TRERF1: variants seen among roughly 807,000 people sequenced by gnomAD.
The protein encoded by TRERF1 is transcriptional-regulating factor 1.
A neutral mutation model predicts 122.9 loss-of-function variants in TRERF1; 27 were observed. The ratio of observed to expected loss-of-function variants is 0.22; its 90% CI spans 0.16 to 0.30. The LOEUF (loss-of-function observed/expected upper bound fraction) is 0.30. Ranked by LOEUF, TRERF1 falls within the 10% of genes least tolerant of loss-of-function variation. The pLI is 1.00. For missense variants in TRERF1, 1,248 were observed against 1,560.3 expected (o/e 0.80, Z 3.37); for synonymous variants, 636 against 641.7 (o/e 0.99, Z 0.13).
At chr6:42,350,069 A>G (rs1420601673) in intron 3 of TRERF1, among the ~76,000 whole-genome samples, 1 of 152,110 alleles carries the variant, frequency 6.6e-6, no homozygotes, top group Non-Finnish European at 1.5e-5. Context: ...TACTAGATTG[A>G]TTTCTTTCAT....
intron 3 of TRERF1, among the ~76,000 whole-genome samples, chr6:42,340,685 TG>T (rs1047249932): frequency 3.3e-5 from 5 of 152,122 alleles, no homozygotes; most frequent in Non-Finnish European, 7.4e-5. Context: ...ACTGCAACTT[TG>T]AACTCCTAGG....
At chr6:42,229,074 C>T (rs1250063678) in intron 17 of TRERF1, among the ~76,000 whole-genome samples, 1 of 152,206 alleles carries the variant, frequency 6.6e-6, no homozygotes, top group East Asian at 1.9e-4. Flanking sequence ...AACAACCCAC[C>T]ATCTGCCTCT....
chr6:42,247,219 G>A (rs1287647938), intron 13 of TRERF1, among the ~76,000 whole-genome samples: 1 of 152,206 alleles, frequency 6.6e-6, no homozygotes, highest in African/African-American at 2.4e-5. Context: ...AGATGGAAGA[G>A]TATTCTGGTG....
intron 15 of TRERF1, among the ~76,000 whole-genome samples, chr6:42,238,358 G>C (rs7742263): frequency 0.033 from 5,002 of 152,274 alleles, 295 homozygotes; most frequent in African/African-American, 0.11. Context: ...ACTGTACCAT[G>C]ATTATGTATG....
At chr6:42,377,716 C>T (rs577010025) in intron 2 of TRERF1, among the ~76,000 whole-genome samples, 69 of 152,300 alleles carry the variant, frequency 4.5e-4, no homozygotes, top group Non-Finnish European at 8.7e-4. Context: ...ACGGATTTTC[C>T]AAACGCACAG....
intron 4 of TRERF1, among the ~76,000 whole-genome samples, chr6:42,286,317 TG>T (rs1463749479): frequency 6.9e-6 from 1 of 144,064 alleles, no homozygotes; most frequent in African/African-American, 2.6e-5. Context: ...AAAGAGCTTC[TG>T]CACAGCAAAA....
chr6:42,355,446 C>T (rs1379411357), intron 3 of TRERF1, among the ~76,000 whole-genome samples: 4 of 152,114 alleles, frequency 2.6e-5, no homozygotes, highest in African/African-American at 7.2e-5. Context: ...GAAATCTACT[C>T]GCTAGAATTT....
intron 4 of TRERF1, among the ~76,000 whole-genome samples, chr6:42,292,595 G>A (rs1582861284): frequency 6.6e-6 from 1 of 152,218 alleles, no homozygotes; most frequent in East Asian, 1.9e-4. Context: ...ACTGGTCAGT[G>A]CAATTCAAGG....
At chr6:42,239,766 T>C (rs1179512129) in intron 15 of TRERF1, among the ~76,000 whole-genome samples, 1 of 151,852 alleles carries the variant, frequency 6.6e-6, no homozygotes, top group Non-Finnish European at 1.5e-5. Context: ...ATTTTTCATC[T>C]CCACTCGGCA....
intron 4 of TRERF1, among the ~76,000 whole-genome samples, chr6:42,299,194 G>GT (rs939818111): frequency 2.6e-4 from 33 of 128,316 alleles, no homozygotes; most frequent in African/African-American, 8.6e-4. Context: ...CATAGAGTCT[G>GT]TTTTTTTCTA....
intron 2 of TRERF1, among the ~76,000 whole-genome samples, chr6:42,377,437 G>C (rs1416482291): frequency 1.3e-5 from 2 of 152,072 alleles, no homozygotes; most frequent in Non-Finnish European, 2.9e-5. Flanking sequence ...TTTTGTGACT[G>C]GCTTCTTTCA....
rs568373050 is a variant in TRERF1, at chr6:42,344,468, C to T, written c.-371+18529G>A. On this transcript the variant is annotated intron_variant, in intron 3 of 17. Transcript: ENST00000372922. ...CCAAAACCGTGTAGCTAGTAAGCAA[C>T]GAGGTCAGGAGGATAGGTAAAAAGC... Among the ~76,000 whole-genome samples the T allele has an allele frequency of 3.9e-5, 6 of 152,086 alleles. No homozygotes were observed. The South Asian group carries it at 6.2e-4, about 16-fold the overall frequency.
intron 14 of TRERF1, among the ~76,000 whole-genome samples, chr6:42,244,327 G>A (rs1774359605): frequency 6.6e-6 from 1 of 152,100 alleles, no homozygotes; most frequent in Admixed American, 6.5e-5. Flanking sequence ...TGGGATTACA[G>A]GCATGCACCA....
At chr6:42,277,160 C>G (rs10948030) in intron 4 of TRERF1, among the ~76,000 whole-genome samples, 1 of 151,904 alleles carries the variant, frequency 6.6e-6, no homozygotes, top group South Asian at 2.1e-4. Flanking sequence ...GAAGTGGGAG[C>G]TGCAGGAGTC....
At chr6:42,274,488 A>C (rs1780804754) in intron 4 of TRERF1, among the ~76,000 whole-genome samples, 1 of 152,214 alleles carries the variant, frequency 6.6e-6, no homozygotes, top group Non-Finnish European at 1.5e-5. Flanking sequence ...CAGTCTGGCC[A>C]ACATGGCAAA....
chr6:42,436,918 T>C (rs1485395318), intron 2 of TRERF1, among the ~76,000 whole-genome samples: 1 of 150,366 alleles, frequency 6.7e-6, no homozygotes, highest in African/African-American at 2.4e-5. Context: ...CTTTCAATTA[T>C]GTCTGCTCCA....
intron 15 of TRERF1, among the ~76,000 whole-genome samples, chr6:42,237,084 C>T (rs559887449): frequency 2.0e-5 from 3 of 152,302 alleles, no homozygotes; most frequent in East Asian, 3.9e-4. Flanking sequence ...TTCAATGTTT[C>T]TATTTATTCA....
At chr6:42,364,148 G>A (rs1347911586) in intron 2 of TRERF1, among the ~76,000 whole-genome samples, 1 of 152,048 alleles carries the variant, frequency 6.6e-6, no homozygotes, top group East Asian at 1.9e-4. Context: ...CTCCTACTCT[G>A]CCCTTCCTCC....
rs1381061201 is a variant in TRERF1, at chr6:42,263,604, G to A, written c.1636-36C>T. On this transcript the variant is annotated intron_variant, in intron 7 of 17. Coordinates refer to ENST00000372922, the Ensembl canonical transcript of TRERF1. This position sits in a 1 kb window ranked among gnomAD's most constrained non-coding sequence, Gnocchi z 5.6. The stretch of plus-strand genomic sequence containing the variant: ...AATAAAGGCTTTGATCCTGGGCTGA[G>A]AGCAGCTCTCACAAGGGGGATGCAC... 6.8e-7 allele frequency: 1 copy of A among 1,459,922 alleles called. No homozygotes were observed. The highest frequency in any genetic ancestry group is 2.4e-5 in the East Asian group (1 of 40,822). The allele number at this position is 1,459,922 out of a possible 1,614,324, so 90.4% of individuals were successfully genotyped here.
Sources: gnomAD v4.1 joint callset for allele counts (sites outside exome capture counted in the v4.1 genomes callset) on GRCh38, gnomAD v4.1.1 for gene constraint, Gnocchi (gnomAD v3.1) non-coding constraint, MANE v1.5 for transcripts, NCBI Gene and HGNC (gene_info 2026-07-23, HGNC 2026-07-21) for gene names.